Variants in NAV3 observed in about 807,000 individuals in gnomAD.
NAV3 encodes neuron navigator 3, also known as pore membrane and/or filament interacting like protein 1.
In NAV3, 87 loss-of-function variants were observed where a neutral mutation model predicts 244.7. The ratio of observed to expected loss-of-function variants is 0.36; its 90% CI spans 0.30 to 0.42. The LOEUF is 0.42. NAV3 is among the 20% of genes least tolerant of loss of function. The pLI is 1.00. For missense variants in NAV3, 2,663 were observed against 2,893.3 expected, an observed-to-expected ratio of 0.92 and a Z score of 1.83; for synonymous variants, 1,126 against 1,042.2, an observed-to-expected ratio of 1.08 and a Z score of -1.55.
chr12:78,205,196 A>C (rs1960165330), intron 39 of NAV3, 58 bp downstream of exon 39: 1 of 1,509,376 alleles, frequency 6.6e-7, no homozygotes, highest in African/African-American at 1.4e-5. Flanking sequence ...TATAGTCATT[A>C]ATATTTAGTT....
At chr12:77,586,856 C>G (rs1220633440) in intron 2 of NAV3, among the ~76,000 whole-genome samples, 2 of 152,026 alleles carry the variant, frequency 1.3e-5, no homozygotes, top group African/African-American at 2.4e-5. Context: ...GCGGAAAGTT[C>G]AATAGGCTGC....
At chr12:78,092,462 T>C (rs1427594196) in intron 12 of NAV3, among the ~76,000 whole-genome samples, 1 of 151,394 alleles carries the variant, frequency 6.6e-6, no homozygotes, top group Non-Finnish European at 1.5e-5. Context: ...AAGAAACTCA[T>C]TTCACCCTTT....
intron 12 of NAV3, among the ~76,000 whole-genome samples, chr12:78,082,113 C>A (rs1189624260): frequency 3.9e-5 from 6 of 152,150 alleles, no homozygotes; most frequent in African/African-American, 1.4e-4. Flanking sequence ...AAGGGGAGTT[C>A]CCCTACAAAA....
intron 1 of NAV3, among the ~76,000 whole-genome samples, chr12:77,851,669 T>G (rs1471701960): frequency 6.6e-6 from 1 of 152,194 alleles, no homozygotes; most frequent in Non-Finnish European, 1.5e-5. Flanking sequence ...TGCTATGCTA[T>G]TATCTCAAAA....
chr12:77,610,404 C>T (rs1002855445), intron 2 of NAV3, among the ~76,000 whole-genome samples: 2 of 151,996 alleles, frequency 1.3e-5, no homozygotes, highest in Non-Finnish European at 2.9e-5. Context: ...TAGTATATGG[C>T]ATTTTGTTCA....
chr12:78,194,107 G>A (rs1414863905), intron 34 of NAV3, among the ~76,000 whole-genome samples: 1 of 151,956 alleles, frequency 6.6e-6, no homozygotes, highest in Non-Finnish European at 1.5e-5. Flanking sequence ...CTTGACTTGT[G>A]TGGTTGACTT....
At chr12:77,807,289 G>A (rs2135988482) in intron 2 of NAV3, among the ~76,000 whole-genome samples, 2 of 152,258 alleles carry the variant, frequency 1.3e-5, no homozygotes, top group Middle Eastern at 6.8e-3. Context: ...TCTACAATGT[G>A]GTATGTTTTT....
At chr12:78,146,448 T>G (rs1031458332) in intron 21 of NAV3, 56 bp downstream of exon 21, 1 of 794,250 alleles carries the variant, frequency 1.3e-6, no homozygotes. Context: ...GCATTCATGA[T>G]GAAATTAGTC....
intron 9 of NAV3, among the ~76,000 whole-genome samples, chr12:78,049,423 C>G (rs1882387032): frequency 6.6e-6 from 1 of 152,216 alleles, no homozygotes; most frequent in Admixed American, 6.5e-5. Context: ...CTCCGTCCTT[C>G]AAGGCACAGT....
chr12:78,136,621 G>C (rs994361432), intron 18 of NAV3, among the ~76,000 whole-genome samples: 3 of 151,988 alleles, frequency 2.0e-5, no homozygotes, highest in Non-Finnish European at 4.4e-5. Context: ...ATTGTGTTTA[G>C]TTATAAAAAT....
rs10546437 is a variant in NAV3 at position 77,834,882 on chromosome 12, GA to G, written c.243+3191del. ...TATGTAGAGTTATTTTAGCTTTTGG[GA>G]AAAAAAAAAAAACCCAGAACTGAAG... On this transcript the variant is annotated intron_variant, in intron 1 of 39. Coordinates refer to ENST00000397909, the MANE Select transcript of NAV3 (RefSeq NM_001024383.2). Among the ~76,000 whole-genome samples, 201 of 151,630 alleles carry G rather than the reference GA, an allele frequency of 1.3e-3. 1 individual carries two copies. In the South Asian group the frequency reaches 0.015, roughly 12 times the overall value.
At chr12:77,594,683 T>C (rs1003428040) in intron 2 of NAV3, among the ~76,000 whole-genome samples, 1 of 152,026 alleles carries the variant, frequency 6.6e-6, no homozygotes, top group African/African-American at 2.4e-5. Context: ...TAGAAGACCG[T>C]TTTTTCCCCC....
chr12:77,754,782 A>G (rs1157058400), intron 2 of NAV3, among the ~76,000 whole-genome samples: 2 of 152,150 alleles, frequency 1.3e-5, no homozygotes, highest in Admixed American at 1.3e-4. Flanking sequence ...GTCTTACAAG[A>G]CCAGTGATTC....
At chr12:77,705,043 G>A (rs185039440) in intron 2 of NAV3, among the ~76,000 whole-genome samples, 7 of 152,262 alleles carry the variant, frequency 4.6e-5, no homozygotes, top group Non-Finnish European at 7.4e-5. Flanking sequence ...TCTCATTTTA[G>A]CTCTGAGAGA....
chr12:78,036,559 G>T, intron 9 of NAV3: 1 of 235,684 alleles, frequency 4.2e-6, no homozygotes, highest in Non-Finnish European at 8.4e-6. Context: ...GGATGAAGAC[G>T]GGCAAACGTA....
intron 9 of NAV3, among the ~76,000 whole-genome samples, chr12:78,048,531 G>A (rs966274593): frequency 6.6e-6 from 1 of 152,102 alleles, no homozygotes; most frequent in Admixed American, 6.5e-5. Context: ...TATTTGCCTG[G>A]GTGTCACCAG....
intron 12 of NAV3, among the ~76,000 whole-genome samples, chr12:78,102,420 G>A (rs139421486): frequency 6.6e-6 from 1 of 152,202 alleles, no homozygotes; most frequent in Non-Finnish European, 1.5e-5. Flanking sequence ...GCTTTGCAGG[G>A]TATAGCACCC....
intron 1 of NAV3, among the ~76,000 whole-genome samples, chr12:77,879,844 G>T (rs1036290177): frequency 6.6e-6 from 1 of 152,124 alleles, no homozygotes; most frequent in Admixed American, 6.6e-5. Context: ...TTAAGCCAAA[G>T]TCATGTTTTC....
intron 16 of NAV3, 101 bp downstream of exon 16, chr12:78,122,529 C>T (rs1267714482): frequency 5.7e-6 from 8 of 1,397,180 alleles, no homozygotes; most frequent in East Asian, 2.3e-5. Flanking sequence ...GTGAGTGCCC[C>T]GGTGCAAAAA....
Sources: gnomAD v4.1 joint callset for allele counts (sites outside exome capture counted in the v4.1 genomes callset) on GRCh38, gnomAD v4.1.1 for gene constraint, MANE v1.5 for transcripts, NCBI Gene and HGNC (gene_info 2026-07-23, HGNC 2026-07-21) for gene names.